HCN1: variants seen among roughly 807,000 people sequenced by gnomAD.
The protein encoded by HCN1 is potassium/sodium hyperpolarization-activated cyclic nucleotide-gated channel 1.
HCN1 carries 13 observed loss-of-function variants against 78.9 expected under a neutral mutation model. That is an observed-to-expected ratio of 0.16 (90% CI 0.11 to 0.26). The LOEUF is 0.26. HCN1 is among the 10% of genes least tolerant of loss of function. The pLI, the probability that HCN1 is intolerant of heterozygous loss-of-function variation, is 1.00. For missense variants in HCN1, 810 were observed against 1,154.3 expected (o/e 0.70, Z 4.32); for synonymous variants, 552 against 455.5 (o/e 1.21, Z -2.70).
At chr5:45,630,150 T>C (rs879551733) in intron 2 of HCN1, among the ~76,000 whole-genome samples, 9 of 152,256 alleles carry the variant, frequency 5.9e-5, no homozygotes, top group Admixed American at 2.0e-4. Context: ...CTTCCACTCT[T>C]GTTCAAATTA....
At chr5:45,491,033 A>G (rs957007574) in intron 2 of HCN1, among the ~76,000 whole-genome samples, 36 of 152,020 alleles carry the variant, frequency 2.4e-4, no homozygotes, top group African/African-American at 8.7e-4. Flanking sequence ...TTATGAATCT[A>G]CCCTTGCTAT....
intron 5 of HCN1, among the ~76,000 whole-genome samples, chr5:45,314,919 C>T (rs1283702054): frequency 1.3e-5 from 2 of 152,070 alleles, no homozygotes; most frequent in East Asian, 1.9e-4. Context: ...TAAAGCAAGT[C>T]CTTAGAGACC....
intron 5 of HCN1, among the ~76,000 whole-genome samples, chr5:45,312,418 A>G (rs1349283972): frequency 2.0e-5 from 3 of 152,212 alleles, no homozygotes; most frequent in African/African-American, 7.2e-5. Context: ...GAACGGCTCC[A>G]GTCTACAGCT....
intron 2 of HCN1, among the ~76,000 whole-genome samples, chr5:45,486,662 T>C (rs1186768090): frequency 6.6e-6 from 1 of 152,106 alleles, no homozygotes; most frequent in Non-Finnish European, 1.5e-5. Flanking sequence ...CTTTAAAATA[T>C]AACAATGTAC....
At chr5:45,445,224 G>C (rs1016383023) in intron 3 of HCN1, among the ~76,000 whole-genome samples, 9 of 152,188 alleles carry the variant, frequency 5.9e-5, no homozygotes, top group African/African-American at 2.2e-4. Context: ...CGGCGCACCA[G>C]GAGATTATAT....
At chr5:45,510,656 T>C (rs1742396002) in intron 2 of HCN1, among the ~76,000 whole-genome samples, 1 of 152,070 alleles carries the variant, frequency 6.6e-6, no homozygotes, top group Non-Finnish European at 1.5e-5. Context: ...CCCAGCCCTG[T>C]TTTGATGACT....
At chr5:45,378,546 G>A (rs1747737394) in intron 4 of HCN1, among the ~76,000 whole-genome samples, 1 of 152,056 alleles carries the variant, frequency 6.6e-6, no homozygotes, top group Non-Finnish European at 1.5e-5. Context: ...AGGTTGATAA[G>A]TAATTGTTGT....
intron 5 of HCN1, among the ~76,000 whole-genome samples, chr5:45,320,685 CTTGAAGGT>C: frequency 6.6e-6 from 1 of 151,808 alleles, no homozygotes; most frequent in Non-Finnish European, 1.5e-5. Flanking sequence ...CACCACAAAT[CTTGAAGGT>C]TTAGATATTA....
intron 4 of HCN1, among the ~76,000 whole-genome samples, chr5:45,370,431 C>G (rs190315373): frequency 6.6e-6 from 1 of 152,008 alleles, no homozygotes; most frequent in East Asian, 1.9e-4. Context: ...ATTCAACATA[C>G]TGTTATAGGT....
intron 5 of HCN1, among the ~76,000 whole-genome samples, chr5:45,351,619 C>A (rs547028494): frequency 0.018 from 2,395 of 130,866 alleles, 95 homozygotes; most frequent in African/African-American, 0.077. Context: ...ATTTTCGCAA[C>A]CTACTCATCT....
At chr5:45,463,651 AACTC>A (rs1425764593) in intron 2 of HCN1, among the ~76,000 whole-genome samples, 1 of 152,024 alleles carries the variant, frequency 6.6e-6, no homozygotes, top group Non-Finnish European at 1.5e-5. Context: ...CATAAATAGA[AACTC>A]TACTAACAAT....
intron 2 of HCN1, among the ~76,000 whole-genome samples, chr5:45,529,925 T>G (rs896252266): frequency 2.6e-5 from 4 of 152,172 alleles, no homozygotes; most frequent in African/African-American, 4.8e-5. Flanking sequence ...GTGACAGTTT[T>G]ACAGTATTGT....
chr5:45,339,115 T>C (rs1746522545), intron 5 of HCN1, among the ~76,000 whole-genome samples: 1 of 152,148 alleles, frequency 6.6e-6, no homozygotes, highest in African/African-American at 2.4e-5. Flanking sequence ...CAGTCATGAT[T>C]CTTAGTATGA....
chr5:45,598,577 T>C (rs916092279), intron 2 of HCN1, among the ~76,000 whole-genome samples: 6 of 152,156 alleles, frequency 3.9e-5, no homozygotes, highest in Non-Finnish European at 7.3e-5. Context: ...GGGATCTAAT[T>C]AAACTGAAGA....
chr5:45,309,881 GA>G (rs1561099059), intron 5 of HCN1, among the ~76,000 whole-genome samples: 7 of 151,972 alleles, frequency 4.6e-5, no homozygotes, highest in Non-Finnish European at 8.8e-5. Context: ...TTCCCTCATA[GA>G]ATAAGTTAGG....
chr5:45,540,454 A>G (rs1165645047), intron 2 of HCN1, among the ~76,000 whole-genome samples: 1 of 151,558 alleles, frequency 6.6e-6, no homozygotes, highest in Non-Finnish European at 1.5e-5. Flanking sequence ...TCAGCCTCCC[A>G]AGTAGTTGGG....
intron 2 of HCN1, among the ~76,000 whole-genome samples, chr5:45,507,423 C>T (rs1159346395): frequency 6.6e-6 from 1 of 152,126 alleles, no homozygotes. Context: ...CAGTCTGTTG[C>T]CATAGCAGCA....
chr5:45,488,463 G>A (rs1741814016), intron 2 of HCN1, among the ~76,000 whole-genome samples: 1 of 152,010 alleles, frequency 6.6e-6, no homozygotes, highest in South Asian at 2.1e-4. Context: ...TCAAACAGCA[G>A]GGACTGTTTA....
At chr5:45,496,554 C>T (rs1356084240) in intron 2 of HCN1, among the ~76,000 whole-genome samples, 2 of 151,990 alleles carry the variant, frequency 1.3e-5, no homozygotes, top group African/African-American at 4.8e-5. Context: ...GGTGATATCC[C>T]CTTTACCATT....
Sources: allele counts gnomAD v4.1 joint callset (sites outside exome capture counted in the v4.1 genomes callset), GRCh38; gene constraint gnomAD v4.1.1; transcripts MANE v1.5; gene names NCBI Gene and HGNC (gene_info 2026-07-23, HGNC 2026-07-21).